Variants in NR6A1 observed in about 807,000 individuals in gnomAD.
NR6A1 encodes nuclear receptor subfamily 6 group A member 1.
NR6A1 carries 7 observed loss-of-function variants against 59.1 expected under a neutral mutation model. The observed-to-expected ratio is 0.12, with a 90% confidence interval of 0.07 to 0.22. The LOEUF is 0.22. NR6A1 is among the 10% of genes least tolerant of loss of function. NR6A1 has a pLI of 1.00. For missense variants in NR6A1, 468 were observed against 611.6 expected (o/e 0.77, Z 2.48); for synonymous variants, 243 against 236.1 (o/e 1.03, Z -0.27).
rs1836660540 is a variant in NR6A1 at position 124,637,907 on chromosome 9, A to AAAAAAGAAAAAGAAAAAG, written c.143-83338_143-83337insCTTTTTCTTTTTCTTTTT. On this transcript the variant is annotated intron_variant, in intron 2 of 9. Transcript: ENST00000487099. Reference sequence around the variant, plus strand: ...ACTCCCTCTCCAAAAAAAAAAAAAAAAAAAAGAAAAAAAGGGAACTCCAAA... The same window carrying AAAAAAGAAAAAGAAAAAG: ...ACTCCCTCTCCAAAAAAAAAAAAAAAAAAAAGAAAAAGAAAAAGAAAAAGAAAAAAAGGGAACTCCAAA... 2.7e-5 allele frequency among the ~76,000 whole-genome samples: 4 copies of AAAAAAGAAAAAGAAAAAG among 150,792 alleles called. No homozygotes were observed. The South Asian group carries it at 8.4e-4, about 32-fold the overall frequency.
intron 2 of NR6A1, among the ~76,000 whole-genome samples, chr9:124,720,473 A>G (rs1839532458): frequency 6.6e-6 from 1 of 152,240 alleles, no homozygotes; most frequent in African/African-American, 2.4e-5. Context: ...AACAGATGAA[A>G]AAGATCTTTA....
chr9:124,527,704 TGG>T (rs1832979345), intron 7 of NR6A1, among the ~76,000 whole-genome samples: 2 of 152,170 alleles, frequency 1.3e-5, no homozygotes, highest in Non-Finnish European at 2.9e-5. Flanking sequence ...GTATCTAAGG[TGG>T]TGTACCCTAG....
intron 4 of NR6A1, among the ~76,000 whole-genome samples, chr9:124,543,513 A>C (rs1223974073): frequency 1.3e-5 from 2 of 152,244 alleles, no homozygotes; most frequent in African/African-American, 4.8e-5. Flanking sequence ...TATAACCTTA[A>C]GGACTGATCA....
At chr9:124,589,084 C>T (rs373960038) in intron 2 of NR6A1, among the ~76,000 whole-genome samples, 5 of 152,112 alleles carry the variant, frequency 3.3e-5, no homozygotes, top group South Asian at 2.1e-4. Flanking sequence ...TGCTCCCAGT[C>T]GAATAAAAGA....
At chr9:124,579,218 A>G (rs1400979961) in intron 2 of NR6A1, among the ~76,000 whole-genome samples, 1 of 152,108 alleles carries the variant, frequency 6.6e-6, no homozygotes, top group East Asian at 1.9e-4. Flanking sequence ...AGAGTTTGAG[A>G]CTAGCCCTGG....
chr9:124,695,622 G>A (rs1045720109), intron 2 of NR6A1, among the ~76,000 whole-genome samples: 1 of 151,990 alleles, frequency 6.6e-6, no homozygotes, highest in African/African-American at 2.4e-5. Context: ...CGCCCGCCTC[G>A]GCCGCCCAAA....
intron 2 of NR6A1, among the ~76,000 whole-genome samples, chr9:124,648,220 G>A (rs760796147): frequency 2.0e-4 from 30 of 152,024 alleles, no homozygotes; most frequent in Non-Finnish European, 3.8e-4. Context: ...AGACATAGTG[G>A]TTGTAATCCA....
intron 2 of NR6A1, among the ~76,000 whole-genome samples, chr9:124,566,396 A>G (rs1291125680): frequency 6.6e-6 from 1 of 152,232 alleles, no homozygotes; most frequent in African/African-American, 2.4e-5. Context: ...ATATTTCATA[A>G]TTAAAAAGCT....
chr9:124,689,388 T>C (rs915545462), intron 2 of NR6A1, among the ~76,000 whole-genome samples: 1 of 139,208 alleles, frequency 7.2e-6, no homozygotes, highest in Non-Finnish European at 1.5e-5. Context: ...ATACATGAAA[T>C]TTTTTAACTA....
At chr9:124,724,906 G>A (rs1300577888) in intron 2 of NR6A1, among the ~76,000 whole-genome samples, 1 of 152,142 alleles carries the variant, frequency 6.6e-6, no homozygotes, top group African/African-American at 2.4e-5. Flanking sequence ...GAAGCCCCTT[G>A]TCTATGGGAC....
intron 1 of NR6A1, among the ~76,000 whole-genome samples, chr9:124,744,277 C>T (rs10116409): frequency 0.018 from 2,684 of 152,174 alleles, 82 homozygotes; most frequent in African/African-American, 0.061. Flanking sequence ...ATGCAAAATA[C>T]TTAATACAGA....
chr9:124,641,854 T>G (rs943229791), intron 2 of NR6A1, among the ~76,000 whole-genome samples: 1 of 152,214 alleles, frequency 6.6e-6, no homozygotes, highest in African/African-American at 2.4e-5. Context: ...AGCCTTATTC[T>G]GTGCTTAAGA....
intron 1 of NR6A1, among the ~76,000 whole-genome samples, chr9:124,768,955 G>C (rs1841023095): frequency 6.6e-6 from 1 of 152,164 alleles, no homozygotes; most frequent in Non-Finnish European, 1.5e-5. Flanking sequence ...TGGGATATAA[G>C]ATAGGTTGGG....
intron 7 of NR6A1, among the ~76,000 whole-genome samples, chr9:124,530,190 G>T (rs1228014065): frequency 1.3e-5 from 2 of 152,082 alleles, no homozygotes; most frequent in Non-Finnish European, 2.9e-5. Context: ...ATACACCCTA[G>T]ATCTGCCCTT....
chr9:124,641,388 AG>A (rs1240218341), intron 2 of NR6A1, among the ~76,000 whole-genome samples: 1 of 151,560 alleles, frequency 6.6e-6, no homozygotes, highest in African/African-American at 2.4e-5. Flanking sequence ...AAGAAGGAAA[AG>A]AAAGTATGTG....
rs992135712 is a variant in NR6A1 at position 124,729,310 on chromosome 9, G to A, written c.142+3998C>T. ...CTTTTCTGGTATGTTTATGGAAAAT[G>A]TATGAAAGAAACAAGTTTTGATTAT... On this transcript the variant is annotated intron_variant, in intron 2 of 9. Transcript: ENST00000487099. Among the ~76,000 whole-genome samples the A allele has an allele frequency of 8.5e-5, 13 of 152,276 alleles. No individual in the cohort carries two copies. In the South Asian group the frequency reaches 1.4e-3, roughly 17 times the overall value.
chr9:124,563,778 G>A (rs73579847), intron 2 of NR6A1, among the ~76,000 whole-genome samples: 2,763 of 152,242 alleles, frequency 0.018, 75 homozygotes, highest in African/African-American at 0.062. Flanking sequence ...CCAAGCTAGC[G>A]ATATATGATA....
At chr9:124,762,963 T>C (rs951233382) in intron 1 of NR6A1, among the ~76,000 whole-genome samples, 3 of 152,230 alleles carry the variant, frequency 2.0e-5, no homozygotes, top group Non-Finnish European at 4.4e-5. Flanking sequence ...TTTTCCTTGA[T>C]ATGACAGACT....
chr9:124,540,748 C>A lies in NR6A1; in HGVS notation c.442-561G>T, dbSNP rs1235029781. Among the ~76,000 whole-genome samples the A allele has an allele frequency of 3.9e-5, 6 of 152,238 alleles. No individual in the cohort carries two copies. The East Asian group carries it at 7.7e-4, about 20-fold the overall frequency. ...CTCAGAAGATTGAGGCTGTAGTGAGCCATGATTGCACTAACCCACCCCAGC... is the reference window on the plus strand; with the variant it reads ...CTCAGAAGATTGAGGCTGTAGTGAGACATGATTGCACTAACCCACCCCAGC... On this transcript the variant is annotated intron_variant, in intron 4 of 9. Transcript: ENST00000487099.
Sources: gnomAD v4.1 joint callset for allele counts (sites outside exome capture counted in the v4.1 genomes callset) on GRCh38, gnomAD v4.1.1 for gene constraint, MANE v1.5 for transcripts, NCBI Gene and HGNC (gene_info 2026-07-23, HGNC 2026-07-21) for gene names.